Variants in ARHGEF4 observed in about 807,000 individuals in gnomAD.
The protein encoded by ARHGEF4 is APC-stimulated guanine nucleotide exchange factor 1.
Under a neutral mutation model 162.0 loss-of-function variants are expected in ARHGEF4, and 119 were observed. The ratio of observed to expected loss-of-function variants is 0.73; its 90% CI spans 0.63 to 0.86. The LOEUF is 0.86. Among genes scored for constraint, ARHGEF4 ranks in the 40% least tolerant of loss-of-function variants. The pLI is 0.00. For synonymous variants in ARHGEF4, 1,014 were observed against 979.9 expected (o/e 1.03, Z -0.65); for missense variants, 2,488 against 2,456.0 (o/e 1.01, Z -0.28).
In ARHGEF4 at chr2:131,045,788, C is replaced by T. The variant is rs74487015; in HGVS notation, c.5480-250C>T. On this transcript the variant is annotated intron_variant, in intron 13 of 13. Coordinates refer to ENST00000409359, the MANE Select transcript of ARHGEF4 (RefSeq NM_001367493.1). ...TCTACAGAGAGCCATGCCCCTGAAA[C>T]ATCACATGCCTTTGCACAGGCCACC... 4,011 of 1,426,170 alleles carry T rather than the reference C, an allele frequency of 2.8e-3. 102 individuals carry two copies. The African/African-American group carries it at 0.051, about 18-fold the overall frequency. 88.3% of individuals were successfully genotyped at this position (1,426,170 alleles called of 1,614,324 possible).
intron 1 of ARHGEF4, among the ~76,000 whole-genome samples, chr2:130,899,291 C>A (rs1208134986): frequency 1.3e-5 from 2 of 152,162 alleles, no homozygotes; most frequent in Non-Finnish European, 2.9e-5. Context: ...AGTGCCCGTG[C>A]CTTCAAGGAT....
Position 130,923,127 on chromosome 2 carries a change from G to A in ARHGEF4, c.3552+5629G>A, listed in dbSNP as rs940658079. Among the ~76,000 whole-genome samples the A allele has an allele frequency of 7.9e-5, 12 of 151,968 alleles. 1 individual carries two copies. The East Asian group carries it at 1.4e-3, about 17-fold the overall frequency. On this transcript the variant is annotated intron_variant, in intron 2 of 13. Transcript: ENST00000409359. ...TGTATTTTTAGTAGAGATGGGTTTC[G>A]CCATATTGGCTAGGGTGGTCTCGAA...
chr2:130,886,595 G>T (rs1679539578), intron 1 of ARHGEF4, among the ~76,000 whole-genome samples: 1 of 151,632 alleles, frequency 6.6e-6, no homozygotes, highest in Non-Finnish European at 1.5e-5. Flanking sequence ...TCAGGAGAAT[G>T]GCGGGAACCC....
At chr2:131,035,600 T>TG in intron 5 of ARHGEF4, 1 of 947,390 alleles carries the variant, frequency 1.1e-6, no homozygotes, top group Non-Finnish European at 1.3e-6. Flanking sequence ...ATGTGACCGC[T>TG]GGGTGAGCGA....
intron 3 of ARHGEF4, among the ~76,000 whole-genome samples, chr2:130,940,949 A>G (rs534555748): frequency 6.6e-6 from 1 of 152,172 alleles, no homozygotes; most frequent in Non-Finnish European, 1.5e-5. Context: ...GTCAGAAAAC[A>G]GTATTCGAGG....
chr2:130,897,420 T>C (rs976492931), intron 1 of ARHGEF4, among the ~76,000 whole-genome samples: 1 of 152,192 alleles, frequency 6.6e-6, no homozygotes, highest in African/African-American at 2.4e-5. Flanking sequence ...GTGCTTCCCA[T>C]GCGCAGTCTA....
At chr2:130,865,060 C>T (rs1216572074) in intron 1 of ARHGEF4, among the ~76,000 whole-genome samples, 1 of 152,182 alleles carries the variant, frequency 6.6e-6, no homozygotes, top group Admixed American at 6.5e-5. Context: ...TACTCCCTGT[C>T]CTCAGAGGAG....
At chr2:131,043,414 G>C (rs200675855) in intron 10 of ARHGEF4, 38 bp from the exon 11 acceptor site, 3 of 1,612,180 alleles carry the variant, frequency 1.9e-6, no homozygotes, top group Non-Finnish European at 1.7e-6. Context: ...CCACGGTTGG[G>C]TATGCGAGGC....
At chr2:130,837,411 CTGG>C (rs929547514) in intron 1 of ARHGEF4, 45 of 327,228 alleles carry the variant, frequency 1.4e-4, no homozygotes, top group Non-Finnish European at 2.3e-4. Context: ...GGAAGGAGGG[CTGG>C]TGCCGGCCCG....
intron 4 of ARHGEF4, among the ~76,000 whole-genome samples, chr2:130,980,895 A>G (rs370999674): frequency 1.3e-5 from 2 of 152,350 alleles, no homozygotes; most frequent in East Asian, 1.9e-4. Context: ...TATTAAAACC[A>G]TGTACCCATA....
rs1432193345 is a variant in ARHGEF4 at position 131,019,521 on chromosome 2, A to C, written c.3986-8424A>C. On this transcript the variant is annotated intron_variant, in intron 4 of 13. Transcript: ENST00000409359. The stretch of plus-strand genomic sequence containing the variant: ...AAGACTTTCAATTTATGAACATGGG[A>C]CGTCTTTCTTTGCTTTTTTTTTTTT... 3.4e-5 allele frequency among the ~76,000 whole-genome samples: 5 copies of C among 148,814 alleles called. No homozygotes were observed. The East Asian group carries it at 5.8e-4, about 17-fold the overall frequency.
chr2:130,999,857 C>G (rs1307747522), intron 4 of ARHGEF4, among the ~76,000 whole-genome samples: 1 of 152,144 alleles, frequency 6.6e-6, no homozygotes, highest in African/African-American at 2.4e-5. Flanking sequence ...TGCACACCAC[C>G]ACACCTACCA....
Position 131,037,247 on chromosome 2 carries a change from GAGA to G in ARHGEF4, c.4126-1603_4126-1601del, listed in dbSNP as rs1690367065. Among the ~76,000 whole-genome samples, 5 of 152,202 alleles carry G rather than the reference GAGA, an allele frequency of 3.3e-5. No homozygotes were observed. In the South Asian group the frequency reaches 1.0e-3, roughly 31 times the overall value. On this transcript the variant is annotated intron_variant, in intron 5 of 13. Coordinates refer to ENST00000409359, the MANE Select transcript of ARHGEF4 (RefSeq NM_001367493.1). ...TGGAGCAGGTTTTACCCCCAGGAAA[GAGA>G]AGGTTTGTCCTTCCCTGAACTTGCT... is the stretch of plus-strand genomic sequence containing the variant.
At chr2:131,016,180 C>A (rs1168615131) in intron 4 of ARHGEF4, among the ~76,000 whole-genome samples, 4 of 152,142 alleles carry the variant, frequency 2.6e-5, no homozygotes, top group Non-Finnish European at 5.9e-5. Flanking sequence ...CACCTCCCAA[C>A]GTGCCCCACC....
chr2:130,950,844 G>T (rs1032657721), intron 4 of ARHGEF4, among the ~76,000 whole-genome samples: 1 of 152,112 alleles, frequency 6.6e-6, no homozygotes, highest in Non-Finnish European at 1.5e-5. Context: ...CATGTCACAT[G>T]TACTTCAGTA....
At chr2:130,974,019 C>T (rs1183492210) in intron 4 of ARHGEF4, among the ~76,000 whole-genome samples, 1 of 151,946 alleles carries the variant, frequency 6.6e-6, no homozygotes, top group Non-Finnish European at 1.5e-5. Context: ...CCTGTAATCC[C>T]AGCACTTTGG....
At position 130,915,867 on chromosome 2, in the gene ARHGEF4, C is replaced by T. The variant is rs1005876042; in HGVS notation, c.1921C>T (p.Leu641Phe). 9.0e-6 allele frequency: 14 copies of T among 1,547,362 alleles called. No individual in the cohort carries two copies. The South Asian group carries it at 1.4e-4, about 16-fold the overall frequency. ...LIIVAVEQKG[L>F]QASRSNAGPV... ...CATTGTAGCTGTGGAGCAGAAAGGT[C>T]TTCAGGCCAGCAGGAGCAATGCGGG... The change falls in exon 2 of 14, where the codon CTT (leucine) becomes TTT (phenylalanine). Residue 641 changes from leucine to phenylalanine, a missense_variant. Coordinates refer to ENST00000409359, the MANE Select transcript of ARHGEF4 (RefSeq NM_001367493.1).
intron 1 of ARHGEF4, among the ~76,000 whole-genome samples, chr2:130,911,045 C>A (rs1331368126): frequency 1.3e-5 from 2 of 152,122 alleles, no homozygotes; most frequent in African/African-American, 4.8e-5. Context: ...GAGGAGTTTG[C>A]AGAGGGCAGA....
chr2:130,891,931 T>C (rs1398589950), intron 1 of ARHGEF4, among the ~76,000 whole-genome samples: 1 of 152,116 alleles, frequency 6.6e-6, no homozygotes, highest in African/African-American at 2.4e-5. Flanking sequence ...AGTAAAACTT[T>C]GCTTACAGAA....
Sources: allele counts gnomAD v4.1 joint callset (sites outside exome capture counted in the v4.1 genomes callset), GRCh38; gene constraint gnomAD v4.1.1; transcripts MANE v1.5; gene names NCBI Gene and HGNC (gene_info 2026-07-23, HGNC 2026-07-21).